The following PFKFB2 variants were observed in gnomAD, a reference collection of about 807,000 sequenced individuals.
The protein encoded by PFKFB2 is 6-phosphofructo-2-kinase/fructose-2,6-bisphosphatase 2.
A neutral mutation model predicts 68.0 loss-of-function variants in PFKFB2; 53 were observed. The ratio of observed to expected loss-of-function variants is 0.78; its 90% CI spans 0.63 to 0.98. PFKFB2 has a LOEUF of 0.98. Among genes scored for constraint, PFKFB2 ranks in the 50% least tolerant of loss-of-function variants. PFKFB2 has a pLI of 0.00. For synonymous variants in PFKFB2, 222 were observed against 227.6 expected, an observed-to-expected ratio of 0.98 and a Z score of 0.22; for missense variants, 451 against 642.0, an observed-to-expected ratio of 0.70 and a Z score of 3.22.
chr1:207,074,477 C>T lies in PFKFB2; in HGVS notation c.*2106C>T. ...TAAGCACCCTGGAGAGAGGTGCAGA[C>T]CCTGCCAGGATGATAAAGGTTGTCA... On this transcript the variant is annotated 3_prime_UTR_variant, in exon 15 of 15. Transcript: ENST00000367080. The T allele has an allele frequency of 1.0e-6, 1 of 985,350 alleles. No individual in the cohort carries two copies. Among genetic ancestry groups the T allele is most frequent in the Non-Finnish European group, 1.2e-6 (1 of 829,910 alleles). 61.0% of individuals were successfully genotyped at this position (985,350 alleles called of 1,614,324 possible). A position where few individuals can be genotyped will look rare whatever the true frequency, so the allele number is the denominator to read the frequency against.
intron 1 of PFKFB2, among the ~76,000 whole-genome samples, chr1:207,036,559 T>C (rs1682380908): frequency 6.6e-6 from 1 of 152,216 alleles, no homozygotes; most frequent in Non-Finnish European, 1.5e-5. Context: ...TTCACTCCAT[T>C]TTCATATAAC....
chr1:207,056,719 A>C (rs1682933138), intron 2 of PFKFB2, among the ~76,000 whole-genome samples: 1 of 152,090 alleles, frequency 6.6e-6, no homozygotes, highest in South Asian at 2.1e-4. Flanking sequence ...TAAGAAGAAG[A>C]AGGTGTCCTA....
intron 1 of PFKFB2, chr1:207,035,116 G>T: frequency 1.0e-6 from 1 of 975,628 alleles, no homozygotes; most frequent in Non-Finnish European, 1.2e-6. Flanking sequence ...GTAAATGCCT[G>T]TTTGATGACC....
Position 207,072,304 on chromosome 1 carries a change from T to C in PFKFB2, c.1451T>C (p.Val484Ala), listed in dbSNP as rs1176084070. 1 of 1,614,184 alleles carries C rather than the reference T, an allele frequency of 6.2e-7. No individual in the cohort carries two copies. The highest frequency in any genetic ancestry group is 1.1e-5 in the South Asian group (1 of 91,082). ...NTIRRPRNYS[V>A]GSRPLKPLSP... Reference sequence around the variant, plus strand: ...ATAAGGCGTCCAAGAAATTACAGTGTTGGGAGCCGGCCCCTCAAGCCCCTC... The same window carrying C: ...ATAAGGCGTCCAAGAAATTACAGTGCTGGGAGCCGGCCCCTCAAGCCCCTC... The change falls in exon 15 of 15, where the codon GTT (valine) becomes GCT (alanine). Residue 484 changes from valine to alanine, a missense_variant. Coordinates refer to ENST00000367080, the MANE Select transcript of PFKFB2 (RefSeq NM_006212.2).
At chr1:207,072,117 G>A in intron 14 of PFKFB2, 87 bp from the exon 15 acceptor site, 1 of 1,550,206 alleles carries the variant, frequency 6.5e-7, no homozygotes, top group Non-Finnish European at 8.7e-7. Flanking sequence ...GAGGGAAGCT[G>A]TTGTGGTTAC....
chr1:207,054,748 A>G lies in PFKFB2; in HGVS notation c.31A>G (p.Asn11Asp), dbSNP rs757523612. 1 of 1,613,998 alleles carries G rather than the reference A, an allele frequency of 6.2e-7. No homozygotes were observed. Among genetic ancestry groups the G allele is most frequent in the Non-Finnish European group, 8.5e-7 (1 of 1,179,902 alleles). The part of the protein sequence containing the change: MSGASSSEQN[N>D]NSYETKTPNL... ...TGGGGCATCTTCCTCAGAACAGAACAACAACAGCTATGAAACCAAAACCCC... is the reference window on the plus strand; with the variant it reads ...TGGGGCATCTTCCTCAGAACAGAACGACAACAGCTATGAAACCAAAACCCC... The change falls in exon 2 of 15, where the codon AAC (asparagine) becomes GAC (aspartate). Residue 11 changes from asparagine to aspartate, a missense_variant. Transcript: ENST00000367080.
Position 207,067,628 on chromosome 1 carries a change from T to C in PFKFB2, c.762T>C (p.Leu254=). 6.2e-7 allele frequency: 1 copy of C among 1,613,992 alleles called. No individual in the cohort carries two copies. Among genetic ancestry groups the C allele is most frequent in the African/African-American group, 1.3e-5 (1 of 74,992 alleles). The stretch of plus-strand genomic sequence containing the variant: ...ACGTCCAGCCTCGCACCATTTACCT[T>C]TGCCGGCATGGAGAAAGCGAGTTCA... The part of the protein sequence containing the change: ...NIHVQPRTIY[L]CRHGESEFNL... Residue 254 remains leucine, a synonymous_variant, in exon 9 of 15, where the codon CTT becomes CTC. Coordinates refer to ENST00000367080, the MANE Select transcript of PFKFB2 (RefSeq NM_006212.2).
At chr1:207,056,944 C>T (rs1373324998) in intron 2 of PFKFB2, among the ~76,000 whole-genome samples, 1 of 152,080 alleles carries the variant, frequency 6.6e-6, no homozygotes, top group Non-Finnish European at 1.5e-5. Flanking sequence ...ACCGTTGTTC[C>T]CTTGCTGCTC....
At chr1:207,069,744 A>G (rs983753599) in intron 11 of PFKFB2, among the ~76,000 whole-genome samples, 1 of 152,156 alleles carries the variant, frequency 6.6e-6, no homozygotes, top group Non-Finnish European at 1.5e-5. Context: ...TCTGTTCAGT[A>G]TGTTTTAGAA....
upstream of PFKFB2, chr1:207,052,391 G>A: frequency 1.6e-6 from 1 of 607,760 alleles, no homozygotes; most frequent in Non-Finnish European, 2.9e-6. Context: ...GCCGGGCGCA[G>A]TGGCTCACAC....
chr1:207,050,505 G>A (rs1227905871), upstream of PFKFB2, among the ~76,000 whole-genome samples: 1 of 152,154 alleles, frequency 6.6e-6, no homozygotes, highest in Non-Finnish European at 1.5e-5. Flanking sequence ...GTCAAGACAA[G>A]GAGTTGCTAG....
At chr1:207,068,095 AGTGTGT>A (rs4030464) in intron 9 of PFKFB2, 62 bp from the exon 10 acceptor site, 22 of 1,093,866 alleles carry the variant, frequency 2.0e-5, no homozygotes, top group South Asian at 8.2e-5. Context: ...GTGTGTGTTG[AGTGTGT>A]GTGTGTGTGT....
rs950155177 is a variant in PFKFB2, at chr1:207,067,931, C to T, written c.840+225C>T. ...TGTGATCATTCAACCATCAGATATT[C>T]ATTGGGCACAACTTGTGTACTTAGC... On this transcript the variant is annotated intron_variant, in intron 9 of 14. Coordinates refer to ENST00000367080, the MANE Select transcript of PFKFB2 (RefSeq NM_006212.2). 5.3e-5 allele frequency among the ~76,000 whole-genome samples: 8 copies of T among 152,196 alleles called. 1 individual carries two copies. The highest frequency in any genetic ancestry group is 7.3e-5 in the Non-Finnish European group (5 of 68,046).
Position 207,074,139 on chromosome 1 carries a change from T to A in PFKFB2, c.*1768T>A. On this transcript the variant is annotated 3_prime_UTR_variant, in exon 15 of 15. Coordinates refer to ENST00000367080, the MANE Select transcript of PFKFB2 (RefSeq NM_006212.2). ...GCATGTATTTAAGTAGCTTCCCGGATGATTCTGATTCATAGCTCGGGTTAA... is the reference window on the plus strand; with the variant it reads ...GCATGTATTTAAGTAGCTTCCCGGAAGATTCTGATTCATAGCTCGGGTTAA... 1 of 968,504 alleles carries A rather than the reference T, an allele frequency of 1.0e-6. No individual in the cohort carries two copies. The highest frequency in any genetic ancestry group is 1.2e-6 in the Non-Finnish European group (1 of 814,522). 60.0% of individuals were successfully genotyped at this position (968,504 alleles called of 1,614,324 possible).
Position 207,071,587 on chromosome 1 carries a change from CACG to C in PFKFB2, c.1350+16_1350+18del, listed in dbSNP as rs1203061340. ...GACAAGCCAACTGTAAGTATTTTCC[CACG>C]ATGAACACACCAGTTTCCCTGCCAC... On this transcript the variant is annotated intron_variant, in intron 14 of 14. Transcript: ENST00000367080. 5 of 1,596,686 alleles carry C rather than the reference CACG, an allele frequency of 3.1e-6. No individual in the cohort carries two copies. In the South Asian group the frequency reaches 4.4e-5, roughly 14 times the overall value.
chr1:207,054,842 A>G (rs376800687), intron 2 of PFKFB2, 40 bp downstream of exon 2: 103 of 1,357,858 alleles, frequency 7.6e-5, no homozygotes, highest in Non-Finnish European at 9.1e-5. Context: ...CTCTCTCAGC[A>G]TTTTATCTTG....
chr1:207,072,353 G>A lies in PFKFB2; in HGVS notation c.1500G>A (p.Met500Ile). The A allele has an allele frequency of 6.2e-7, 1 of 1,613,238 alleles. No homozygotes were observed. Among genetic ancestry groups the A allele is most frequent in the Non-Finnish European group, 8.5e-7 (1 of 1,179,648 alleles). Residue 500 changes from methionine (M) to isoleucine (I), a missense_variant, in exon 15 of 15, where the codon ATG becomes ATA. Coordinates refer to ENST00000367080, the MANE Select transcript of PFKFB2 (RefSeq NM_006212.2). ...KPLSPLRAQD[M>I]QEGAD ...TCAGCCCTCTCCGTGCCCAGGACAT[G>A]CAAGAAGGGGCCGACTAGCCGAAGA...
intron 13 of PFKFB2, 91 bp from the exon 14 acceptor site, chr1:207,071,418 C>T (rs1231672093): frequency 1.1e-5 from 12 of 1,133,280 alleles, no homozygotes; most frequent in Middle Eastern, 2.0e-4. Context: ...TTGCAGAATG[C>T]GTACATTCCT....
At chr1:207,047,830 A>G (rs1040710604) in intron 2 of PFKFB2, 2 of 152,314 alleles carry the variant, frequency 1.3e-5, no homozygotes, top group Non-Finnish European at 1.5e-5. Flanking sequence ...TATTACTCCA[A>G]TTGCTTTAAA....
Sources: gnomAD v4.1 joint callset for allele counts (sites outside exome capture counted in the v4.1 genomes callset) on GRCh38, gnomAD v4.1.1 for gene constraint, MANE v1.5 for transcripts, NCBI Gene and HGNC (gene_info 2026-07-23, HGNC 2026-07-21) for gene names.